Variants in FGF13 observed in about 807,000 individuals in gnomAD.
FGF13 encodes fibroblast growth factor 13, also known as fibroblast growth factor homologous factor 2.
A neutral mutation model predicts 19.5 loss-of-function variants in FGF13; 2 were observed. That is an observed-to-expected ratio of 0.10 (90% CI 0.04 to 0.32). The LOEUF is 0.32. FGF13 is among the 10% of genes least tolerant of loss of function. The pLI is 1.00. For synonymous variants in FGF13, 72 were observed against 76.9 expected (o/e 0.94, Z 0.33); for missense variants, 113 against 192.7 (o/e 0.59, Z 2.45).
chrX:138,736,637 A>T (rs761081192), intron 1 of FGF13, among the ~76,000 whole-genome samples: 47 of 108,116 alleles, frequency 4.3e-4, no homozygotes, highest in Admixed American at 8.9e-4. Context: ...GATTATTGAT[A>T]AAAAAAAATT....
chrX:138,891,154 G>C (rs774358506), intron 1 of FGF13, among the ~76,000 whole-genome samples: 8 of 111,487 alleles, frequency 7.2e-5, no homozygotes, highest in African/African-American at 2.3e-4. Flanking sequence ...TTGTGGTGTC[G>C]GGCACCTGTA....
chrX:139,177,343 A>C (rs1168772393), intron 1 of FGF13, among the ~76,000 whole-genome samples: 3 of 104,456 alleles, frequency 2.9e-5, no homozygotes, highest in Admixed American at 2.1e-4. Flanking sequence ...TCCCCTGAAT[A>C]CAGCACACTG....
intron 1 of FGF13, among the ~76,000 whole-genome samples, chrX:138,912,557 G>C (rs1288068980): frequency 8.9e-6 from 1 of 111,793 alleles, no homozygotes; most frequent in African/African-American, 3.3e-5. Context: ...TAGAGTAAAA[G>C]ATTGATGGAA....
intron 1 of FGF13, among the ~76,000 whole-genome samples, chrX:139,053,244 T>C (rs1015156879): frequency 8.1e-5 from 9 of 111,109 alleles, no homozygotes; most frequent in Admixed American, 7.7e-4. Context: ...ATATCATATA[T>C]CATTCCTCTG....
At chrX:139,061,264 A>C (rs973340180) in intron 1 of FGF13, among the ~76,000 whole-genome samples, 12 of 111,934 alleles carry the variant, frequency 1.1e-4, no homozygotes, top group African/African-American at 3.9e-4. Context: ...GCTCCTACCA[A>C]AACTCATGTT....
chrX:138,824,344 C>T (rs1048735866), intron 3 of FGF13, among the ~76,000 whole-genome samples: 1 of 111,677 alleles, frequency 9.0e-6, no homozygotes. Context: ...AGGTTTAGGA[C>T]ATCTGCTGTG....
intron 1 of FGF13, among the ~76,000 whole-genome samples, chrX:139,179,825 C>T (rs1459932228): frequency 1.8e-5 from 2 of 112,992 alleles, no homozygotes; most frequent in Non-Finnish European, 3.7e-5. Context: ...AAAACAGACA[C>T]TTAATAAATG....
intron 1 of FGF13, among the ~76,000 whole-genome samples, chrX:139,074,910 ACT>A (rs1240643028): frequency 9.0e-6 from 1 of 110,713 alleles, no homozygotes; most frequent in African/African-American, 3.3e-5. Context: ...TGTCTAAATA[ACT>A]CTTCATTTTT....
intron 3 of FGF13, among the ~76,000 whole-genome samples, chrX:138,790,159 A>T (rs1483786356): frequency 9.5e-6 from 1 of 105,133 alleles, no homozygotes; most frequent in Non-Finnish European, 2.0e-5. Context: ...GACGTCTAAG[A>T]TCACGATGCC....
rs2092275545 is a variant in FGF13 at position 139,043,055 on chromosome X, T to C, written c.-113+160361A>G. Among the ~76,000 whole-genome samples the C allele has an allele frequency of 3.6e-5, 4 of 111,299 alleles. No homozygotes were observed. In the Admixed American group the frequency reaches 3.8e-4, roughly 11 times the overall value. ...GTCATCTGTTGAAGATGGCATGCTC[T>C]TTTTCCCTGCCCTATGTGCACATGT... On this transcript the variant is annotated intron_variant, in intron 1 of 2. Coordinates refer to the FGF13 transcript ENST00000421460.
intron 3 of FGF13, chrX:138,807,115 C>T (rs1346838227): frequency 9.0e-6 from 1 of 110,918 alleles, no homozygotes; most frequent in Non-Finnish European, 1.9e-5. Context: ...AGACCCTACT[C>T]TAACTATGTA....
At chrX:139,095,384 C>T (rs73566172) in intron 1 of FGF13, among the ~76,000 whole-genome samples, 5,158 of 111,660 alleles carry the variant, frequency 0.046, 125 homozygotes, top group East Asian at 0.13. Context: ...TCACTTTTGA[C>T]CACTAAAATA....
At chrX:138,916,765 C>T (rs999003608) in intron 1 of FGF13, among the ~76,000 whole-genome samples, 1 of 112,009 alleles carries the variant, frequency 8.9e-6, no homozygotes, top group Non-Finnish European at 1.9e-5. Flanking sequence ...ACTTTAGAGA[C>T]CAAGTTATCC....
chrX:139,002,382 T>C (rs189868051), intron 1 of FGF13, among the ~76,000 whole-genome samples: 64 of 111,553 alleles, frequency 5.7e-4, no homozygotes, highest in Non-Finnish European at 3.8e-5. Flanking sequence ...ATGTATTGCG[T>C]TTTTAAATAT....
intron 1 of FGF13, among the ~76,000 whole-genome samples, chrX:138,722,263 G>A (rs1413218896): frequency 9.0e-6 from 1 of 111,423 alleles, no homozygotes; most frequent in Non-Finnish European, 1.9e-5. Context: ...AGATTTGTTG[G>A]CATTAATAAA....
chrX:139,079,594 C>G (rs781637002), intron 1 of FGF13, among the ~76,000 whole-genome samples: 1 of 110,725 alleles, frequency 9.0e-6, no homozygotes, highest in East Asian at 2.9e-4. Context: ...TGAACTTCAC[C>G]CACACCTTTG....
intron 1 of FGF13, among the ~76,000 whole-genome samples, chrX:139,021,182 A>G (rs1214025925): frequency 7.2e-5 from 8 of 111,354 alleles, no homozygotes; most frequent in Non-Finnish European, 1.5e-4. Flanking sequence ...AATTCCCACA[A>G]TGAACAGTTA....
At chrX:139,042,470 A>G (rs1403462832) in intron 1 of FGF13, among the ~76,000 whole-genome samples, 2 of 112,076 alleles carry the variant, frequency 1.8e-5, no homozygotes, top group South Asian at 3.7e-4. Flanking sequence ...GGACAGATTC[A>G]TGTTTTACAT....
At chrX:138,936,687 C>T (rs1315276996) in intron 1 of FGF13, among the ~76,000 whole-genome samples, 1 of 111,858 alleles carries the variant, frequency 8.9e-6, no homozygotes, top group Non-Finnish European at 1.9e-5. Context: ...TTAACTCATT[C>T]AATAAATACT....
Sources: allele counts gnomAD v4.1 joint callset (sites outside exome capture counted in the v4.1 genomes callset), GRCh38; gene constraint gnomAD v4.1.1; transcripts MANE v1.5; gene names NCBI Gene and HGNC (gene_info 2026-07-23, HGNC 2026-07-21).